Variants in MYOM2 observed in about 807,000 individuals in gnomAD.
MYOM2 encodes myomesin-2.
In MYOM2, 254 loss-of-function variants were observed where a neutral mutation model predicts 187.6. The observed-to-expected ratio is 1.35, with a 90% confidence interval of 1.22 to 1.50. The LOEUF (loss-of-function observed/expected upper bound fraction) is 1.50. Ranked by LOEUF, MYOM2 falls within the 40% of genes most tolerant of loss-of-function variation. MYOM2 has a pLI of 0.00. For missense variants in MYOM2, 2,796 were observed against 1,924.0 expected (o/e 1.45, Z -8.48); for synonymous variants, 981 against 753.8 (o/e 1.30, Z -4.94).
rs570000071 is a variant in MYOM2, at chr8:2,112,104, G to A, written c.3180+2573G>A. Among the ~76,000 whole-genome samples the A allele has an allele frequency of 7.2e-5, 11 of 152,284 alleles. No homozygotes were observed. The South Asian group carries it at 8.3e-4, about 11-fold the overall frequency. On this transcript the variant is annotated intron_variant, in intron 25 of 36. Transcript: ENST00000262113. The stretch of plus-strand genomic sequence containing the variant: ...CCTCTTCCTTTCCCAGTGGACGGCA[G>A]CACCTACCCTGTACATCACCTGTTG...
At chr8:2,058,029 T>C (rs1818732476) in intron 5 of MYOM2, among the ~76,000 whole-genome samples, 1 of 73,506 alleles carries the variant, frequency 1.4e-5, no homozygotes, top group South Asian at 4.4e-4. Flanking sequence ...TTTTTTTTTT[T>C]TTTTTTTGAG....
intron 5 of MYOM2, among the ~76,000 whole-genome samples, chr8:2,058,504 G>T (rs1018905145): frequency 9.9e-5 from 15 of 152,110 alleles, no homozygotes; most frequent in African/African-American, 3.4e-4. Context: ...ATGAAGCTGT[G>T]GTAATTGAAG....
At chr8:2,046,334 C>A (rs1367452956) in intron 1 of MYOM2, among the ~76,000 whole-genome samples, 1 of 152,154 alleles carries the variant, frequency 6.6e-6, no homozygotes, top group Non-Finnish European at 1.5e-5. Flanking sequence ...GAGAGGCTCG[C>A]GTTTCATCCT....
intron 1 of MYOM2, 150 bp from the exon 2 acceptor site, chr8:2,050,605 G>A: frequency 1.9e-6 from 1 of 539,608 alleles, no homozygotes; most frequent in Non-Finnish European, 3.3e-6. Context: ...GGTCTAAGGT[G>A]ATTTCTGGCC....
At chr8:2,087,544 G>T (rs1336333303) in intron 14 of MYOM2, among the ~76,000 whole-genome samples, 2 of 152,180 alleles carry the variant, frequency 1.3e-5, no homozygotes, top group Non-Finnish European at 1.5e-5. Context: ...AGGGTGGAAG[G>T]TATTTTCTCA....
intron 32 of MYOM2, among the ~76,000 whole-genome samples, chr8:2,129,892 G>C (rs975281587): frequency 6.6e-6 from 1 of 152,138 alleles, no homozygotes; most frequent in African/African-American, 2.4e-5. Context: ...AACAGGACTC[G>C]CATCAGGGTC....
chr8:2,099,096 A>T, intron 19 of MYOM2, 113 bp downstream of exon 19: 1 of 1,364,006 alleles, frequency 7.3e-7, no homozygotes, highest in Non-Finnish European at 9.7e-7. Context: ...TGTTCCTCCG[A>T]CACCCGCAGC....
chr8:2,140,254 A>G (rs57509971), intron 32 of MYOM2, among the ~76,000 whole-genome samples: 1,635 of 152,240 alleles, frequency 0.011, 30 homozygotes, highest in African/African-American at 0.038. Context: ...GTATTTATGG[A>G]CCACATTCTA....
chr8:2,054,879 C>CACCTGGATACTGGGGAACCAACT (rs1818604712), intron 3 of MYOM2, among the ~76,000 whole-genome samples: 2 of 135,264 alleles, frequency 1.5e-5, no homozygotes, highest in Non-Finnish European at 3.2e-5. Context: ...TGGCACCTGG[C>CACCTGGATACTGGGGAACCAACT]ACCTGGATAC....
rs1169426782 is a variant in MYOM2 at position 2,069,564 on chromosome 8, C to T, written c.793+67C>T. 1.9e-6 allele frequency: 3 copies of T among 1,547,858 alleles called. No homozygotes were observed. The African/African-American group carries it at 4.1e-5, about 21-fold the overall frequency. ...AGTGACATAGCAGACAATTTGAAAA[C>T]ATGGTTTCCTAAGGGCCAAATCTTT... On this transcript the variant is annotated intron_variant, in intron 8 of 36. Coordinates refer to ENST00000262113, the MANE Select transcript of MYOM2 (RefSeq NM_003970.4).
Position 2,092,481 on chromosome 8 carries a change from T to C in MYOM2, c.1964T>C (p.Leu655Pro), listed in dbSNP as rs748454042. The change falls in exon 16 of 37, where the codon CTC becomes CCC. Residue 655 changes from leucine (L) to proline (P), a missense_variant. Transcript: ENST00000262113. Reference sequence around the variant, plus strand: ...GACTGCTGTGTGGCCGGAACCAACCTCTGGGAGCCCTGCAACCACAAGCCC... The same window carrying C: ...GACTGCTGTGTGGCCGGAACCAACCCCTGGGAGCCCTGCAACCACAAGCCC... ...YVDCCVAGTN[L>P]WEPCNHKPIG... 1 of 1,614,052 alleles carries C rather than the reference T, an allele frequency of 6.2e-7. No individual in the cohort carries two copies. Among genetic ancestry groups the C allele is most frequent in the Non-Finnish European group, 8.5e-7 (1 of 1,180,004 alleles).
intron 6 of MYOM2, among the ~76,000 whole-genome samples, chr8:2,064,323 G>C (rs558796886): frequency 6.6e-6 from 1 of 152,172 alleles, no homozygotes; most frequent in East Asian, 1.9e-4. Flanking sequence ...TATGAAACAA[G>C]GTCGAAAGAG....
chr8:2,095,092 A>G (rs1796433850), intron 17 of MYOM2, among the ~76,000 whole-genome samples: 1 of 152,214 alleles, frequency 6.6e-6, no homozygotes, highest in Admixed American at 6.5e-5. Context: ...AATTTGCAAC[A>G]TTTTCAGAAA....
chr8:2,049,369 T>C (rs570332234), intron 1 of MYOM2, among the ~76,000 whole-genome samples: 2 of 152,318 alleles, frequency 1.3e-5, no homozygotes, highest in South Asian at 2.1e-4. Context: ...AATAGGAGTT[T>C]GGGTAATCGC....
chr8:2,106,509 G>T lies in MYOM2; in HGVS notation c.2910G>T (p.Lys970Asn), dbSNP rs1585917412. The change falls in exon 23 of 37, where the codon AAG becomes AAT. Residue 970 changes from lysine to asparagine, a missense_variant. Lys to Asn is a moderately conservative substitution (Grantham distance 94). Coordinates refer to ENST00000262113, the MANE Select transcript of MYOM2 (RefSeq NM_003970.4). Reference protein sequence around the residue: ...TVGDHSKLYLKNPDKEDLGTY... With the variant: ...TVGDHSKLYLNNPDKEDLGTY... ...TTTTTAGCTCCAAGCTGTACTTAAA[G>T]AATCCGGATAAGGAGGATTTAGGGA... The T allele has an allele frequency of 1.9e-6, 3 of 1,612,558 alleles. No homozygotes were observed. The highest frequency in any genetic ancestry group is 1.3e-5 in the African/African-American group (1 of 75,034).
At chr8:2,116,374 C>A in intron 27 of MYOM2, 99 bp downstream of exon 27, 1 of 1,170,042 alleles carries the variant, frequency 8.5e-7, no homozygotes, top group Non-Finnish European at 1.2e-6. Context: ...CCCAAGCAAC[C>A]CTAAAGGCTG....
chr8:2,129,385 G>A (rs186390200), intron 32 of MYOM2, among the ~76,000 whole-genome samples, 153 bp downstream of exon 32: 1 of 152,292 alleles, frequency 6.6e-6, no homozygotes, highest in East Asian at 1.9e-4. Context: ...CTTTAGCTCA[G>A]GGAAGGGGGC....
chr8:2,079,412 C>A, intron 12 of MYOM2, 148 bp from the exon 13 acceptor site: 1 of 781,118 alleles, frequency 1.3e-6, no homozygotes, highest in Non-Finnish European at 2.2e-6. Context: ...TACCAGGACA[C>A]TTCCAGAATC....
At chr8:2,046,750 T>C (rs1446014899) in intron 1 of MYOM2, among the ~76,000 whole-genome samples, 2 of 88,830 alleles carry the variant, frequency 2.3e-5, no homozygotes, top group African/African-American at 6.3e-5. Flanking sequence ...CTTTCTTTTT[T>C]CTTTTTTTTT....
Sources: gnomAD v4.1 joint callset for allele counts (sites outside exome capture counted in the v4.1 genomes callset) on GRCh38, gnomAD v4.1.1 for gene constraint, MANE v1.5 for transcripts, NCBI Gene and HGNC (gene_info 2026-07-23, HGNC 2026-07-21) for gene names.